Variants in KCNAB2 observed in about 807,000 individuals in gnomAD.
The protein encoded by KCNAB2 is voltage-gated potassium channel subunit beta-2.
In KCNAB2, 29 loss-of-function variants were observed where a neutral mutation model predicts 63.6. The ratio of observed to expected loss-of-function variants is 0.46; its 90% confidence interval spans 0.34 to 0.62. The LOEUF (loss-of-function observed/expected upper bound fraction) is 0.62, where lower values mean the gene tolerates loss of function less well. Ranked by LOEUF, KCNAB2 falls within the 20% of genes least tolerant of loss-of-function variation. KCNAB2 has a pLI of 0.01. For synonymous variants in KCNAB2, 222 were observed against 224.2 expected (o/e 0.99, Z 0.09); for missense variants, 359 against 563.9 (o/e 0.64, Z 3.68).
intron 2 of KCNAB2, among the ~76,000 whole-genome samples, chr1:6,068,534 C>T (rs1662938930): frequency 6.6e-6 from 1 of 152,218 alleles, no homozygotes; most frequent in Non-Finnish European, 1.5e-5. Flanking sequence ...TGGGAGCTTT[C>T]CTTGCTGCTG....
intron 2 of KCNAB2, among the ~76,000 whole-genome samples, chr1:6,065,989 A>C (rs1443382773): frequency 6.6e-6 from 1 of 152,076 alleles, no homozygotes; most frequent in Non-Finnish European, 1.5e-5. Flanking sequence ...GGGGGAGAAG[A>C]GTTTCTTGGG....
intron 1 of KCNAB2, among the ~76,000 whole-genome samples, chr1:6,022,516 G>T (rs945897689): frequency 6.6e-6 from 1 of 152,086 alleles, no homozygotes; most frequent in Non-Finnish European, 1.5e-5. Flanking sequence ...CAGTTCAGTG[G>T]TATTGAGTGT....
chr1:6,015,396 G>A (rs1167288469), intron 1 of KCNAB2, among the ~76,000 whole-genome samples: 1 of 152,116 alleles, frequency 6.6e-6, no homozygotes, highest in Non-Finnish European at 1.5e-5. Context: ...CAGGCCCACC[G>A]TTTGTTTTTG....
At chr1:5,995,567 C>T (rs999627365) in intron 1 of KCNAB2, among the ~76,000 whole-genome samples, 5 of 152,200 alleles carry the variant, frequency 3.3e-5, no homozygotes, top group Admixed American at 2.6e-4. Flanking sequence ...GATTTCTCAG[C>T]GACTCAGTCC....
chr1:6,037,480 C>T (rs534207615), intron 1 of KCNAB2, among the ~76,000 whole-genome samples: 27 of 152,308 alleles, frequency 1.8e-4, no homozygotes, highest in African/African-American at 6.5e-4. Flanking sequence ...ACTCTGAAGC[C>T]CTGGTTTCCT....
Position 6,094,464 on chromosome 1 carries a change from C to T in KCNAB2, c.711C>T (p.Arg237=), listed in dbSNP as rs1252533030. The T allele has an allele frequency of 1.2e-6, 2 of 1,611,494 alleles. No individual in the cohort carries two copies. The highest frequency in any genetic ancestry group is 1.7e-6 in the Non-Finnish European group (2 of 1,179,304). ...TGGCCATGTACTGGGGCACGTCACG[C>T]TGGAGCTCCATGGAGATCATGGTAC... ...QGMAMYWGTS[R]WSSMEIMEAY... is the part of the protein sequence containing the mutation. The change falls in exon 11 of 16, where the codon CGC becomes CGT. Residue 237 remains arginine (R), a synonymous_variant. Coordinates refer to ENST00000378083, the MANE Select transcript of KCNAB2 (RefSeq NM_001199862.2).
At chr1:6,097,145 C>T in intron 14 of KCNAB2, 124 bp from the exon 15 acceptor site, 1 of 1,152,718 alleles carries the variant, frequency 8.7e-7, no homozygotes, top group South Asian at 1.6e-5. Context: ...TGCAGGGCTT[C>T]CTAGACCCCC....
At chr1:5,995,073 T>C (rs1035097956) in intron 1 of KCNAB2, among the ~76,000 whole-genome samples, 11 of 152,128 alleles carry the variant, frequency 7.2e-5, no homozygotes, top group African/African-American at 2.7e-4. Context: ...TCGGCTAAGT[T>C]CTCAGTGATA....
Position 6,090,315 on chromosome 1 carries a change from G to T in KCNAB2, c.515-74G>T, listed in dbSNP as rs576598273. 7.7e-6 allele frequency: 8 copies of T among 1,042,120 alleles called. No homozygotes were observed. In the South Asian group the frequency reaches 9.5e-5, roughly 12 times the overall value. The allele number at this position is 1,042,120 out of a possible 1,614,324, so 64.6% of individuals were successfully genotyped here. A position where few individuals can be genotyped will look rare whatever the true frequency, so the allele number is the denominator to read the frequency against. ...TTCTCCATCTCTTGTTCCCTGAGCC[G>T]GGCATGGATGGGCCCAGGTGCCTGT... On this transcript the variant is annotated intron_variant, in intron 8 of 15. Coordinates refer to ENST00000378083, the MANE Select transcript of KCNAB2 (RefSeq NM_001199862.2).
At chr1:6,057,722 C>T (rs1163479353) in intron 2 of KCNAB2, among the ~76,000 whole-genome samples, 1 of 152,118 alleles carries the variant, frequency 6.6e-6, no homozygotes, top group Admixed American at 6.5e-5. Context: ...TTTTGCCTCC[C>T]CCAGTTTCTG....
At chr1:6,066,624 C>G (rs1006154239) in intron 2 of KCNAB2, among the ~76,000 whole-genome samples, 1 of 152,316 alleles carries the variant, frequency 6.6e-6, no homozygotes, top group Non-Finnish European at 1.5e-5. Flanking sequence ...GCCACAGGGC[C>G]CCCCCAACAT....
At chr1:6,034,021 G>A (rs774832213), upstream of KCNAB2, among the ~76,000 whole-genome samples, 1 of 152,156 alleles carries the variant, frequency 6.6e-6, no homozygotes, top group Non-Finnish European at 1.5e-5. Flanking sequence ...CTTGGGTCTG[G>A]TGTGTTGGTT....
Position 6,078,299 on chromosome 1 carries a change from C to T in KCNAB2, c.301-3896C>T, listed in dbSNP as rs1663864768. ...CCACTTAGCTAAGCCAGGACATTCTCCCCACTGCAGAGTACTCACGTTAAT... is the reference window on the plus strand; with the variant it reads ...CCACTTAGCTAAGCCAGGACATTCTTCCCACTGCAGAGTACTCACGTTAAT... On this transcript the variant is annotated intron_variant, in intron 4 of 15. Transcript: ENST00000378083. The surrounding 1 kb of genome is among the most constrained non-coding windows in gnomAD (Gnocchi z 4.2). Among the ~76,000 whole-genome samples the T allele has an allele frequency of 6.6e-6, 1 of 152,234 alleles. No individual in the cohort carries two copies. The highest frequency in any genetic ancestry group is 6.5e-5 in the Admixed American group (1 of 15,290).
At chr1:6,013,349 T>C (rs2100286151) in intron 1 of KCNAB2, among the ~76,000 whole-genome samples, 1 of 152,222 alleles carries the variant, frequency 6.6e-6, no homozygotes, top group Admixed American at 6.5e-5. Context: ...CAGAGCTCTC[T>C]GGAGCAGCCT....
upstream of KCNAB2, among the ~76,000 whole-genome samples, chr1:6,031,838 G>A (rs11584431): frequency 0.11 from 16,273 of 152,080 alleles, 1,174 homozygotes; most frequent in Non-Finnish European, 0.16. This position sits in a 1 kb window ranked among gnomAD's most constrained non-coding sequence, Gnocchi z 4.1. Context: ...GCAGTGAGCC[G>A]TGATCATGCC....
chr1:6,091,322 C>T lies in KCNAB2; in HGVS notation c.646+15C>T, dbSNP rs1269522990. The T allele has an allele frequency of 4.6e-6, 7 of 1,517,122 alleles. No individual in the cohort carries two copies. Among genetic ancestry groups the T allele is most frequent in the Admixed American group, 3.9e-5 (2 of 50,896 alleles). 94.0% of individuals were successfully genotyped at this position (1,517,122 alleles called of 1,614,324 possible). A position where few individuals can be genotyped will look rare whatever the true frequency, so the allele number is the denominator to read the frequency against. ...CATCATAGAAGGTACACAGTGCCCC[C>T]AGCCTGACTATTGACTTCTGTGTCC... On this transcript the variant is annotated intron_variant, in intron 10 of 15. Coordinates refer to ENST00000378083, the MANE Select transcript of KCNAB2 (RefSeq NM_001199862.2).
intron 4 of KCNAB2, among the ~76,000 whole-genome samples, chr1:6,080,612 G>A (rs1041247558): frequency 3.3e-5 from 5 of 152,156 alleles, no homozygotes; most frequent in Admixed American, 6.5e-5. Flanking sequence ...GAGATGTTTG[G>A]GGATGAGTGC....
chr1:6,091,219 C>T, intron 9 of KCNAB2, 44 bp from the exon 10 acceptor site: 1 of 1,437,840 alleles, frequency 7.0e-7, no homozygotes. Flanking sequence ...TCAGTGCTCC[C>T]AGCTATCAAC....
chr1:6,000,365 G>T (rs371197980), intron 1 of KCNAB2, among the ~76,000 whole-genome samples: 2 of 152,184 alleles, frequency 1.3e-5, no homozygotes, highest in East Asian at 1.9e-4. Flanking sequence ...TCCCCGTTCC[G>T]CAGGGACACA....
Sources: gnomAD v4.1 joint callset for allele counts (sites outside exome capture counted in the v4.1 genomes callset) on GRCh38, gnomAD v4.1.1 for gene constraint, Gnocchi (gnomAD v3.1) non-coding constraint, MANE v1.5 for transcripts, NCBI Gene and HGNC (gene_info 2026-07-23, HGNC 2026-07-21) for gene names.